ATF6: variants seen among roughly 807,000 people sequenced by gnomAD.
The protein encoded by ATF6 is cyclic AMP-dependent transcription factor ATF-6 alpha.
A neutral mutation model predicts 83.6 loss-of-function variants in ATF6; 53 were observed. The observed-to-expected ratio is 0.63, with a 90% CI of 0.51 to 0.80. The LOEUF (loss-of-function observed/expected upper bound fraction) is 0.80. Among genes scored for constraint, ATF6 ranks in the 30% least tolerant of loss-of-function variants. The pLI is 0.00. For missense variants in ATF6, 744 were observed against 797.9 expected (o/e 0.93, Z 0.81); for synonymous variants, 288 against 285.8 (o/e 1.01, Z -0.08).
chr1:161,894,163 T>C (rs1360493989), intron 14 of ATF6, among the ~76,000 whole-genome samples: 1 of 152,032 alleles, frequency 6.6e-6, no homozygotes, highest in Non-Finnish European at 1.5e-5. Context: ...TTGCCTGTTA[T>C]TAGTACTTGT....
At chr1:161,916,232 G>C (rs753693966) in intron 15 of ATF6, among the ~76,000 whole-genome samples, 41 of 152,132 alleles carry the variant, frequency 2.7e-4, no homozygotes, top group Non-Finnish European at 4.7e-4. Flanking sequence ...ATTTGACACA[G>C]CTAACTATTC....
chr1:161,906,949 T>C lies in ATF6; in HGVS notation c.1720-5347T>C, dbSNP rs1479401532. Among the ~76,000 whole-genome samples the C allele has an allele frequency of 2.0e-5, 3 of 152,232 alleles. No homozygotes were observed. The East Asian group carries it at 5.8e-4, about 29-fold the overall frequency. On this transcript the variant is annotated intron_variant, in intron 14 of 15. Coordinates refer to ENST00000367942, the MANE Select transcript of ATF6 (RefSeq NM_007348.4). ...GTATCGTAGACATTTTAATAGACTT[T>C]AAATGATTACATTCTACTTAATTTT...
rs1398715667 is a variant in ATF6 at position 161,958,654 on chromosome 1, GCA to G, written c.*2_*3del. 1 of 1,605,412 alleles carries G rather than the reference GCA, an allele frequency of 6.2e-7. No homozygotes were observed. Among genetic ancestry groups the G allele is most frequent in the Non-Finnish European group, 8.5e-7 (1 of 1,175,460 alleles). Reference sequence around the variant, plus strand: ...GCACCATCCCTGAGTCATTACAATAGCACCCTGCAGCTATGCTGGAAAACTGA... The same window carrying G: ...GCACCATCCCTGAGTCATTACAATAGCCCTGCAGCTATGCTGGAAAACTGA... On this transcript the variant is annotated 3_prime_UTR_variant, in exon 16 of 16. Transcript: ENST00000367942.
intron 12 of ATF6, among the ~76,000 whole-genome samples, chr1:161,855,889 T>C (rs1686745913): frequency 6.6e-6 from 1 of 152,200 alleles, no homozygotes; most frequent in South Asian, 2.1e-4. Flanking sequence ...ATTGGAGTGG[T>C]GATGGCAAAA....
chr1:161,922,523 C>G (rs944975799), intron 15 of ATF6, among the ~76,000 whole-genome samples: 4 of 152,016 alleles, frequency 2.6e-5, no homozygotes, highest in Middle Eastern at 3.2e-3. Flanking sequence ...ACAATTGCAG[C>G]TTATGACAGT....
Position 161,958,721 on chromosome 1 carries a change from T to C in ATF6, c.*67T>C. ...CAGACTGAAGAGCAGGTGAGCAAAA[T>C]GCTGCTTTCTGCCTTGGTGGCAGGC... is the stretch of plus-strand genomic sequence containing the variant. On this transcript the variant is annotated 3_prime_UTR_variant, in exon 16 of 16. Transcript: ENST00000367942. The C allele has an allele frequency of 7.6e-7, 1 of 1,324,436 alleles. No homozygotes were observed. Among genetic ancestry groups the C allele is most frequent in the Non-Finnish European group, 1.0e-6 (1 of 971,474 alleles). 82.0% of individuals were successfully genotyped at this position (1,324,436 alleles called of 1,614,324 possible).
intron 14 of ATF6, among the ~76,000 whole-genome samples, chr1:161,883,068 C>T (rs1232297328): frequency 2.0e-5 from 3 of 151,878 alleles, no homozygotes; most frequent in African/African-American, 7.2e-5. Context: ...TATTATTTTC[C>T]TTATCACCCA....
intron 11 of ATF6, among the ~76,000 whole-genome samples, chr1:161,852,788 A>G (rs1196054148): frequency 1.3e-5 from 2 of 151,960 alleles, no homozygotes; most frequent in Non-Finnish European, 2.9e-5. Flanking sequence ...AATTTTTTAA[A>G]AAAATTTTCT....
At chr1:161,833,261 C>T (rs901580173) in intron 9 of ATF6, among the ~76,000 whole-genome samples, 1 of 152,104 alleles carries the variant, frequency 6.6e-6, no homozygotes, top group African/African-American at 2.4e-5. Context: ...CTGTACGTCA[C>T]CATCATCAAA....
chr1:161,806,161 G>A (rs1227176926), intron 7 of ATF6, among the ~76,000 whole-genome samples: 1 of 152,168 alleles, frequency 6.6e-6, no homozygotes, highest in African/African-American at 2.4e-5. Flanking sequence ...CAGTGTAGAA[G>A]TTCTCTGTGC....
At chr1:161,777,980 A>T (rs977938301) in intron 1 of ATF6, among the ~76,000 whole-genome samples, 1 of 152,242 alleles carries the variant, frequency 6.6e-6, no homozygotes, top group Non-Finnish European at 1.5e-5. Context: ...TAAAGCCACT[A>T]CCAATTAGTC....
chr1:161,955,199 C>T (rs1249694246), intron 15 of ATF6, among the ~76,000 whole-genome samples: 1 of 152,198 alleles, frequency 6.6e-6, no homozygotes, highest in African/African-American at 2.4e-5. Flanking sequence ...CTCAGTGTCT[C>T]ATATCCCTGC....
At chr1:161,791,314 G>A in intron 4 of ATF6, 94 bp from the exon 5 acceptor site, 2 of 1,035,360 alleles carry the variant, frequency 1.9e-6, no homozygotes, top group Non-Finnish European at 2.7e-6. Context: ...TTACCCTGAA[G>A]TGTTTTTCTG....
chr1:161,887,036 T>G (rs148343687), intron 14 of ATF6, among the ~76,000 whole-genome samples: 1 of 152,148 alleles, frequency 6.6e-6, no homozygotes, highest in African/African-American at 2.4e-5. Context: ...GGAAGTGATA[T>G]ATTTGTCAAC....
At chr1:161,766,589 G>C (rs1684269825) in intron 1 of ATF6, 147 bp downstream of exon 1, 1 of 648,168 alleles carries the variant, frequency 1.5e-6, no homozygotes. Flanking sequence ...CGTGCCCCTG[G>C]AAGAGTCTGG....
intron 9 of ATF6, among the ~76,000 whole-genome samples, chr1:161,828,382 G>C (rs554803957): frequency 1.8e-4 from 27 of 152,294 alleles, no homozygotes; most frequent in South Asian, 8.3e-4. Context: ...TAAAAGATAA[G>C]ATGAGTCTAT....
At chr1:161,921,738 G>A (rs6698065) in intron 15 of ATF6, among the ~76,000 whole-genome samples, 134,227 of 152,272 alleles carry the variant, frequency 0.88, 59,222 homozygotes, top group Middle Eastern at 0.91. Flanking sequence ...ATTTCTGTGT[G>A]TCTCTTGTAA....
intron 7 of ATF6, among the ~76,000 whole-genome samples, chr1:161,812,655 G>C (rs1298393442): frequency 6.6e-6 from 1 of 152,050 alleles, no homozygotes; most frequent in Admixed American, 6.5e-5. Context: ...GCCTCCCAAA[G>C]TGCTGGGATC....
intron 7 of ATF6, among the ~76,000 whole-genome samples, chr1:161,808,733 AT>A (rs11428523): frequency 6.0e-4 from 88 of 145,510 alleles, no homozygotes; most frequent in African/African-American, 1.6e-3. Context: ...CTAAATTTTG[AT>A]TTTTTTTTTT....
Sources: allele counts gnomAD v4.1 joint callset (sites outside exome capture counted in the v4.1 genomes callset), GRCh38; gene constraint gnomAD v4.1.1; transcripts MANE v1.5; gene names NCBI Gene and HGNC (gene_info 2026-07-23, HGNC 2026-07-21).